Variants in SMOX observed in about 807,000 individuals in gnomAD.
SMOX encodes the protein spermine oxidase.
Under a neutral mutation model 51.0 loss-of-function variants are expected in SMOX, and 22 were observed. That is an observed-to-expected ratio of 0.43 (90% CI 0.31 to 0.62). The LOEUF (loss-of-function observed/expected upper bound fraction) is 0.62. Ranked by LOEUF, SMOX falls within the 20% of genes least tolerant of loss-of-function variation. SMOX has a pLI of 0.10. For missense variants in SMOX, 566 were observed against 777.7 expected, an observed-to-expected ratio of 0.73 and a Z score of 3.24; for synonymous variants, 282 against 307.8, an observed-to-expected ratio of 0.92 and a Z score of 0.88.
At position 4,182,813 on chromosome 20, in the gene SMOX, C is replaced by CCAT; in HGVS notation, c.1335_1336insATC (p.Ala445_Glu446insIle). The CCAT allele has an allele frequency of 6.2e-7, 1 of 1,607,862 alleles. No individual in the cohort carries two copies. The highest frequency in any genetic ancestry group is 2.2e-5 in the East Asian group (1 of 44,724). ...GAGAAGTGTGATGACGAGGCAGTGGCCGAGATCTGCACGGAGATGCTGCGT... is the reference window on the plus strand; with the variant it reads ...GAGAAGTGTGATGACGAGGCAGTGGCCATCGAGATCTGCACGGAGATGCTGCGT... On this transcript the variant is annotated inframe_insertion, in exon 5 of 7. Coordinates refer to ENST00000305958, the MANE Select transcript of SMOX (RefSeq NM_175839.3). This position sits in a 1 kb window ranked among gnomAD's most constrained non-coding sequence, Gnocchi z 8.4.
At position 4,187,238 on chromosome 20, in the gene SMOX, T is replaced by C; in HGVS notation, c.1531-32T>C. ...GTGGCCTTCTGGCCTTTGCTGCTCCTCCACCCTGACCTCCCCATCCCCGCC... is the reference window on the plus strand; with the variant it reads ...GTGGCCTTCTGGCCTTTGCTGCTCCCCCACCCTGACCTCCCCATCCCCGCC... On this transcript the variant is annotated intron_variant, in intron 6 of 6. Transcript: ENST00000305958. The surrounding 1 kb of genome is among the most constrained non-coding windows in gnomAD (Gnocchi z 4.8). 6.3e-7 allele frequency: 1 copy of C among 1,596,150 alleles called. No individual in the cohort carries two copies. The highest frequency in any genetic ancestry group is 8.6e-7 in the Non-Finnish European group (1 of 1,168,636).
At chr20:4,157,271 T>C (rs6052407) in intron 1 of SMOX, among the ~76,000 whole-genome samples, 8,201 of 152,188 alleles carry the variant, frequency 0.054, 308 homozygotes, top group African/African-American at 0.1. Context: ...GGTTGGCTGC[T>C]CTTACTACTG....
At chr20:4,162,249 C>T (rs1986369358) in intron 1 of SMOX, among the ~76,000 whole-genome samples, 1 of 152,222 alleles carries the variant, frequency 6.6e-6, no homozygotes, top group East Asian at 1.9e-4. Context: ...ACTCCCCACT[C>T]CCGACTCCCA....
intron 1 of SMOX, among the ~76,000 whole-genome samples, chr20:4,151,702 C>G (rs1339457026): frequency 6.6e-6 from 1 of 152,170 alleles, no homozygotes; most frequent in Non-Finnish European, 1.5e-5. Context: ...AAATGCCTTC[C>G]CAGTCTTGGG....
intron 1 of SMOX, among the ~76,000 whole-genome samples, chr20:4,150,756 G>A (rs1985697930): frequency 6.6e-6 from 1 of 150,902 alleles, no homozygotes; most frequent in Non-Finnish European, 1.5e-5. Context: ...ACTTAATATG[G>A]ATGAAACAGA....
In SMOX at chr20:4,183,055, C is replaced by T. The variant is rs1439571532; in HGVS notation, c.1369+207C>T. On this transcript the variant is annotated intron_variant, in intron 5 of 6. Transcript: ENST00000305958. The surrounding 1 kb of genome is among the most constrained non-coding windows in gnomAD (Gnocchi z 4.3). ...AACTTGACACACTCAGAATTATGGGCGCTGTGTCTCTTCCCCCTTTCTAAA... is the reference window on the plus strand; with the variant it reads ...AACTTGACACACTCAGAATTATGGGTGCTGTGTCTCTTCCCCCTTTCTAAA... 6.6e-5 allele frequency among the ~76,000 whole-genome samples: 10 copies of T among 152,190 alleles called. No homozygotes were observed. Among genetic ancestry groups the T allele is most frequent in the Non-Finnish European group, 1.3e-4 (9 of 68,046 alleles).
intron 1 of SMOX, among the ~76,000 whole-genome samples, chr20:4,157,764 G>A (rs957436097): frequency 2.8e-4 from 42 of 152,056 alleles, no homozygotes; most frequent in Non-Finnish European, 5.0e-4. Flanking sequence ...GCCAAGTTGC[G>A]GACGTGACCC....
At chr20:4,174,648 C>T (rs1173163333) in intron 1 of SMOX, among the ~76,000 whole-genome samples, 2 of 152,174 alleles carry the variant, frequency 1.3e-5, no homozygotes. Flanking sequence ...CTCATCTCCA[C>T]TTTGGGGCCT....
At chr20:4,168,883 CTATTTTATTTTATTTTATTTT>C (rs1986696207) in intron 1 of SMOX, among the ~76,000 whole-genome samples, 1 of 128,570 alleles carries the variant, frequency 7.8e-6, no homozygotes, top group Non-Finnish European at 1.6e-5. Context: ...AATTAATGCT[CTATTTTATTTTATTTTATTTT>C]ATTTTATTTT....
chr20:4,172,493 C>T lies in SMOX; in HGVS notation c.-26-2537C>T, dbSNP rs941366486. ...GAGCCAGCCCTGATCCGTGTCCTCT[C>T]GGGAGGGAGGCAGGACCTAGCATCT... On this transcript the variant is annotated intron_variant, in intron 1 of 6. Transcript: ENST00000305958. The surrounding 1 kb of genome is among the most constrained non-coding windows in gnomAD (Gnocchi z 7.7). Among the ~76,000 whole-genome samples, 1 of 151,838 alleles carries T rather than the reference C, an allele frequency of 6.6e-6. No individual in the cohort carries two copies. The highest frequency in any genetic ancestry group is 2.4e-5 in the African/African-American group (1 of 41,312).
chr20:4,170,101 G>A lies in SMOX; in HGVS notation c.-26-4929G>A, dbSNP rs1194242523. ...AGATGCCCAGCTGTGCTTATCCTTG[G>A]AGGGTGGGGCTGGGAGATTGAGACC... On this transcript the variant is annotated intron_variant, in intron 1 of 6. Coordinates refer to ENST00000305958, the MANE Select transcript of SMOX (RefSeq NM_175839.3). The surrounding 1 kb of genome is among the most constrained non-coding windows in gnomAD (Gnocchi z 4.6). Among the ~76,000 whole-genome samples the A allele has an allele frequency of 6.6e-6, 1 of 151,890 alleles. No individual in the cohort carries two copies. Among genetic ancestry groups the A allele is most frequent in the Admixed American group, 6.6e-5 (1 of 15,256 alleles).
chr20:4,155,242 G>A (rs1423890281), intron 1 of SMOX, among the ~76,000 whole-genome samples: 3 of 152,286 alleles, frequency 2.0e-5, no homozygotes, highest in African/African-American at 2.4e-5. Flanking sequence ...CATAGAAGAC[G>A]GTAGTCTCCC....
rs1979478463 is a variant in SMOX, at chr20:4,183,165, C to T, written c.1369+317C>T. On this transcript the variant is annotated intron_variant, in intron 5 of 6. Transcript: ENST00000305958. The surrounding 1 kb of genome is among the most constrained non-coding windows in gnomAD (Gnocchi z 4.3). ...TTTGCCTTTTACTCTCTGAGTCTTT[C>T]AGCTCAACATTTTTCACCCACTATT... The T allele has an allele frequency of 8.8e-6, 5 of 566,464 alleles. No homozygotes were observed. Among genetic ancestry groups the T allele is most frequent in the South Asian group, 6.4e-5 (3 of 46,876 alleles). 35.1% of individuals were successfully genotyped at this position (566,464 alleles called of 1,614,324 possible).
chr20:4,150,023 C>T (rs367579713), intron 1 of SMOX, among the ~76,000 whole-genome samples: 1 of 152,214 alleles, frequency 6.6e-6, no homozygotes, highest in African/African-American at 2.4e-5. Flanking sequence ...GCCCTGCCTC[C>T]GCTTGGACTC....
chr20:4,161,255 G>A (rs1382373284), intron 1 of SMOX, among the ~76,000 whole-genome samples: 2 of 152,198 alleles, frequency 1.3e-5, no homozygotes, highest in Non-Finnish European at 2.9e-5. Context: ...ACTGACTCAC[G>A]TCAGGGCCGT....
In SMOX at chr20:4,166,709, A is replaced by T. The variant is rs1171865898; in HGVS notation, c.-26-8321A>T. ...AAACAGAGATGGCCCCAGAGTGCTC[A>T]CCTCTCCCGGGGGCCTCCCGCTCTT... On this transcript the variant is annotated intron_variant, in intron 1 of 6. Transcript: ENST00000305958. This position sits in a 1 kb window ranked among gnomAD's most constrained non-coding sequence, Gnocchi z 4.2. Among the ~76,000 whole-genome samples the T allele has an allele frequency of 6.6e-6, 1 of 151,848 alleles. No homozygotes were observed. The highest frequency in any genetic ancestry group is 1.9e-4 in the East Asian group (1 of 5,168).
In SMOX at chr20:4,177,414, A is replaced by G. The variant is rs1978949773; in HGVS notation, c.272A>G (p.His91Arg). Reference protein sequence around the residue: ...IHGSHGNPIYHLAEANGLLEE... With the variant: ...IHGSHGNPIYRLAEANGLLEE... ...GGCTCCCATGGGAACCCTATCTATC[A>G]TCTAGCAGAAGCCAACGGCCTCCTG... The change falls in exon 3 of 7, where the codon CAT becomes CGT. Residue 91 changes from histidine to arginine, a missense_variant. Physicochemically the swap from His to Arg is conservative, Grantham distance 29 (BLOSUM62 0). Transcript: ENST00000305958. The surrounding 1 kb of genome is among the most constrained non-coding windows in gnomAD (Gnocchi z 4.3). 2 of 1,558,842 alleles carry G rather than the reference A, an allele frequency of 1.3e-6. No homozygotes were observed. Among genetic ancestry groups the G allele is most frequent in the South Asian group, 1.2e-5 (1 of 84,616 alleles).
chr20:4,173,177 G>T (rs1338346050), intron 1 of SMOX, among the ~76,000 whole-genome samples: 2 of 152,172 alleles, frequency 1.3e-5, no homozygotes, highest in Non-Finnish European at 2.9e-5. Context: ...CCACCCTTCA[G>T]ATTAAGATAT....
chr20:4,159,124 GA>G (rs1394043032), intron 1 of SMOX, among the ~76,000 whole-genome samples: 3 of 151,918 alleles, frequency 2.0e-5, no homozygotes, highest in African/African-American at 4.8e-5. Flanking sequence ...TTCTTCATTA[GA>G]TTTTTTTTTG....
Sources: allele counts gnomAD v4.1 joint callset (sites outside exome capture counted in the v4.1 genomes callset), GRCh38; gene constraint gnomAD v4.1.1; non-coding constraint Gnocchi (gnomAD v3.1); transcripts MANE v1.5; gene names NCBI Gene and HGNC (gene_info 2026-07-23, HGNC 2026-07-21).